Variants in OCA2 observed in about 807,000 individuals in gnomAD.
OCA2 encodes OCA2 melanosomal transmembrane protein.
Under a neutral mutation model 100.2 loss-of-function variants are expected in OCA2, and 77 were observed. The observed-to-expected ratio is 0.77, with a 90% CI of 0.64 to 0.93. The LOEUF is 0.93. Among genes scored for constraint, OCA2 ranks in the 40% least tolerant of loss-of-function variants. The probability of loss-of-function intolerance (pLI) is 0.00; values close to 1 mark genes in which losing one functional copy is unlikely to be tolerated. For missense variants in OCA2, 1,062 were observed against 1,089.1 expected (o/e 0.98, Z 0.35); for synonymous variants, 432 against 439.2 (o/e 0.98, Z 0.21).
intron 9 of OCA2, among the ~76,000 whole-genome samples, chr15:28,006,297 A>G (rs1041555680): frequency 6.6e-6 from 1 of 152,138 alleles, no homozygotes; most frequent in Non-Finnish European, 1.5e-5. Context: ...GCTTCGAACA[A>G]CAGCATGCTC....
the OCA2 span, among the ~76,000 whole-genome samples, chr15:27,728,758 G>A: frequency 5.9e-5 from 9 of 152,124 alleles, no homozygotes; most frequent in African/African-American, 1.2e-4. Flanking sequence ...TCTTTACCCC[G>A]TCAAAGAGCC....
At chr15:28,037,231 G>A (rs144298653) in intron 2 of OCA2, among the ~76,000 whole-genome samples, 24 of 151,914 alleles carry the variant, frequency 1.6e-4, no homozygotes, top group African/African-American at 5.8e-4. Flanking sequence ...GCCAGACTGG[G>A]AGTGGGACCA....
At chr15:27,745,902 C>T in the OCA2 span, among the ~76,000 whole-genome samples, 2 of 152,154 alleles carry the variant, frequency 1.3e-5, no homozygotes, top group Non-Finnish European at 2.9e-5. Flanking sequence ...CCTTTGAATC[C>T]ACCTATGACT....
At chr15:27,941,679 C>G (rs948509301) in intron 18 of OCA2, among the ~76,000 whole-genome samples, 3 of 152,170 alleles carry the variant, frequency 2.0e-5, no homozygotes, top group Admixed American at 6.5e-5. Flanking sequence ...TTTTAAGCAA[C>G]TAGAGGAGAG....
At chr15:28,083,667 C>T (rs1053736693) in intron 1 of OCA2, among the ~76,000 whole-genome samples, 3 of 152,188 alleles carry the variant, frequency 2.0e-5, no homozygotes, top group South Asian at 2.1e-4. Context: ...GTAATGCTAA[C>T]AATTTAAAAT....
At chr15:27,762,449 A>T (rs2030917812) in intron 23 of OCA2, among the ~76,000 whole-genome samples, 1 of 152,226 alleles carries the variant, frequency 6.6e-6, no homozygotes, top group Non-Finnish European at 1.5e-5. Flanking sequence ...ACTCAAAAAA[A>T]GTTAACCCCA....
chr15:27,939,271 C>T (rs1448765519), intron 18 of OCA2, among the ~76,000 whole-genome samples: 1 of 152,192 alleles, frequency 6.6e-6, no homozygotes, highest in East Asian at 1.9e-4. Flanking sequence ...TTTCTAACCT[C>T]TACTTTTAAA....
chr15:28,066,406 G>A (rs528177778), intron 2 of OCA2, among the ~76,000 whole-genome samples: 86 of 152,226 alleles, frequency 5.6e-4, no homozygotes, highest in African/African-American at 2.0e-3. Context: ...AAGCCATGAT[G>A]GGAGAGGGGG....
intron 14 of OCA2, among the ~76,000 whole-genome samples, chr15:27,973,198 C>G (rs1381157081): frequency 6.6e-6 from 1 of 152,026 alleles, no homozygotes; most frequent in Non-Finnish European, 1.5e-5. Flanking sequence ...TAATTAGATC[C>G]CATTTATTTT....
chr15:27,883,800 A>C (rs368257416), intron 19 of OCA2, among the ~76,000 whole-genome samples: 26 of 152,298 alleles, frequency 1.7e-4, no homozygotes, highest in African/African-American at 6.3e-4. Flanking sequence ...TTCTGTGCTG[A>C]TGCTTCTGCT....
At position 27,957,554 on chromosome 15, in the gene OCA2, C is replaced by T. The variant is rs1567156027; in HGVS notation, c.1784+34G>A. The T allele has an allele frequency of 6.2e-7, 1 of 1,610,940 alleles. No homozygotes were observed. Among genetic ancestry groups the T allele is most frequent in the Admixed American group, 1.7e-5 (1 of 60,004 alleles). Reference sequence around the variant, plus strand: ...GGCCCATGGAATGTTCTGCTGCACACCAAGCACAGTCTGAGCAGGACCCCG... The same window carrying T: ...GGCCCATGGAATGTTCTGCTGCACATCAAGCACAGTCTGAGCAGGACCCCG... On this transcript the variant is annotated intron_variant, in intron 16 of 23. Coordinates refer to ENST00000354638, the MANE Select transcript of OCA2 (RefSeq NM_000275.3). The surrounding 1 kb of genome is among the most constrained non-coding windows in gnomAD (Gnocchi z 4.3).
chr15:27,867,259 T>C (rs2036362165), intron 21 of OCA2, among the ~76,000 whole-genome samples: 1 of 152,134 alleles, frequency 6.6e-6, no homozygotes, highest in African/African-American at 2.4e-5. Flanking sequence ...AACCAGTTGA[T>C]GGATGCGGAG....
At chr15:27,857,832 A>G (rs1456169775) in intron 21 of OCA2, among the ~76,000 whole-genome samples, 1 of 152,210 alleles carries the variant, frequency 6.6e-6, no homozygotes, top group Non-Finnish European at 1.5e-5. Context: ...ACTGAACTGT[A>G]AAGGAAGTAA....
intron 23 of OCA2, among the ~76,000 whole-genome samples, chr15:27,781,147 C>A (rs1050918837): frequency 2.6e-5 from 4 of 152,170 alleles, no homozygotes; most frequent in Non-Finnish European, 5.9e-5. Context: ...GGTTCATTGT[C>A]CTCCCTTGTG....
chr15:27,722,686 TTCTC>T, the OCA2 span, among the ~76,000 whole-genome samples: 13 of 146,560 alleles, frequency 8.9e-5, no homozygotes, highest in South Asian at 2.2e-4. Context: ...CTTTCTTTCT[TTCTC>T]TCTCTTTCTC....
chr15:28,054,938 C>G (rs916022401), intron 2 of OCA2, among the ~76,000 whole-genome samples: 1 of 152,184 alleles, frequency 6.6e-6, no homozygotes, highest in Non-Finnish European at 1.5e-5. Flanking sequence ...CCTTATAAAA[C>G]CATCAGCTCT....
chr15:27,918,034 A>C (rs2038728500), intron 19 of OCA2, among the ~76,000 whole-genome samples: 2 of 151,862 alleles, frequency 1.3e-5, no homozygotes, highest in Admixed American at 1.3e-4. Context: ...CAATTCATAC[A>C]ATGTTACAGG....
At chr15:28,068,788 G>A (rs1444838618) in intron 2 of OCA2, among the ~76,000 whole-genome samples, 1 of 152,186 alleles carries the variant, frequency 6.6e-6, no homozygotes, top group Non-Finnish European at 1.5e-5. Flanking sequence ...CTGTTTCAAT[G>A]TACACAAATC....
rs75374230 is a variant in OCA2 at position 27,788,277 on chromosome 15, T to G, written c.2433-32805A>C. ...TTACTCAAATTTTCTATAGCCTTGCTAATTTTTCTGTCTAGTTGCTATATC... is the reference window on the plus strand; with the variant it reads ...TTACTCAAATTTTCTATAGCCTTGCGAATTTTTCTGTCTAGTTGCTATATC... On this transcript the variant is annotated intron_variant, in intron 23 of 23. Transcript: ENST00000354638. Among the ~76,000 whole-genome samples the G allele has an allele frequency of 4.1e-3, 625 of 152,230 alleles. 6 individuals carry two copies. The highest frequency in any genetic ancestry group is 0.015 in the African/African-American group (604 of 41,592).
Sources: gnomAD v4.1 joint callset for allele counts (sites outside exome capture counted in the v4.1 genomes callset) on GRCh38, gnomAD v4.1.1 for gene constraint, Gnocchi (gnomAD v3.1) non-coding constraint, MANE v1.5 for transcripts, NCBI Gene and HGNC (gene_info 2026-07-23, HGNC 2026-07-21) for gene names.